The following EPS15L1 variants were observed in gnomAD, a reference collection of about 807,000 sequenced individuals.
The protein encoded by EPS15L1 is epidermal growth factor receptor substrate 15-like 1.
Under a neutral mutation model 117.1 loss-of-function variants are expected in EPS15L1, and 43 were observed. That is an observed-to-expected ratio of 0.37 (90% confidence interval 0.29 to 0.47). The LOEUF (loss-of-function observed/expected upper bound fraction) is 0.47. Among genes scored for constraint, EPS15L1 ranks in the 20% least tolerant of loss-of-function variants. EPS15L1 has a pLI of 0.99. For synonymous variants in EPS15L1, 459 were observed against 470.5 expected (o/e 0.98, Z 0.32); for missense variants, 981 against 1,164.0 (o/e 0.84, Z 2.29).
rs1599533043 is a variant in EPS15L1 at position 16,370,125 on chromosome 19, A to C, written c.2380+6997T>G. On this transcript the variant is annotated intron_variant, in intron 22 of 23. Coordinates refer to ENST00000455140, the MANE Select transcript of EPS15L1 (RefSeq NM_001258374.3). The surrounding 1 kb of genome is among the most constrained non-coding windows in gnomAD (Gnocchi z 5.2). Reference sequence around the variant, plus strand: ...GAAAGGACCCAAAAGAGCCCCTGGGAGGGGAGCAAGTGAGGCGCAGAGCCC... The same window carrying C: ...GAAAGGACCCAAAAGAGCCCCTGGGCGGGGAGCAAGTGAGGCGCAGAGCCC... Among the ~76,000 whole-genome samples, 1 of 152,274 alleles carries C rather than the reference A, an allele frequency of 6.6e-6. No homozygotes were observed. Among genetic ancestry groups the C allele is most frequent in the Admixed American group, 6.5e-5 (1 of 15,306 alleles).
chr19:16,359,357 T>A (rs1193929299), intron 23 of EPS15L1, among the ~76,000 whole-genome samples: 3 of 152,172 alleles, frequency 2.0e-5, no homozygotes, highest in Admixed American at 1.3e-4. Flanking sequence ...AGCCCCCGAA[T>A]GCCGTGAACA....
intron 22 of EPS15L1, 45 bp downstream of exon 22, chr19:16,377,077 C>G: frequency 2.6e-6 from 4 of 1,556,722 alleles, no homozygotes; most frequent in Non-Finnish European, 3.5e-6. Context: ...CCCCCGCCAT[C>G]CGGCACCGGT....
In EPS15L1 at chr19:16,385,201, T is replaced by A; in HGVS notation, c.2175A>T (p.Gly725=). The A allele has an allele frequency of 6.2e-7, 1 of 1,614,048 alleles. No homozygotes were observed. Among genetic ancestry groups the A allele is most frequent in the South Asian group, 1.1e-5 (1 of 91,076 alleles). ...SVSSKGSDPF[G]TLDPFGSGSF... ...ACCCACTTCCGAAGGGATCTAAGGT[T>A]CCAAAGGGATCTGCAATCGGCACCA... Residue 725 remains glycine (G), a synonymous_variant, in exon 21 of 24, where the codon GGA becomes GGT. Coordinates refer to ENST00000455140, the MANE Select transcript of EPS15L1 (RefSeq NM_001258374.3).
At chr19:16,461,134 T>G (rs1029319630) in intron 1 of EPS15L1, among the ~76,000 whole-genome samples, 7 of 149,984 alleles carry the variant, frequency 4.7e-5, no homozygotes, top group African/African-American at 1.7e-4. Flanking sequence ...TGAAACCCCG[T>G]CTCTACTAAA....
Position 16,404,713 on chromosome 19 carries a change from A to G in EPS15L1, c.1303T>C (p.Leu435=). Residue 435 remains leucine, a synonymous_variant, in exon 14 of 24, where the codon TTG becomes CTG. Transcript: ENST00000455140. This position sits in a 1 kb window ranked among gnomAD's most constrained non-coding sequence, Gnocchi z 4.2. ...TGTTTCTGAGCCTCGAGCTCCTGCAAACTGCTTGTTTCCCGGTCTAGGTCA... is the reference window on the plus strand; with the variant it reads ...TGTTTCTGAGCCTCGAGCTCCTGCAGACTGCTTGTTTCCCGGTCTAGGTCA... ...QNDLDRETSS[L]QELEAQKQDA... 1 of 1,614,182 alleles carries G rather than the reference A, an allele frequency of 6.2e-7. No homozygotes were observed.
At chr19:16,434,273 A>G (rs1010048239) in intron 7 of EPS15L1, 92 bp downstream of exon 7, 8 of 1,491,970 alleles carry the variant, frequency 5.4e-6, no homozygotes, top group Non-Finnish European at 7.2e-6. Context: ...ACAGAGCAAG[A>G]GCCTTGTAAG....
At chr19:16,361,561 T>C in intron 23 of EPS15L1, 2 of 1,306,634 alleles carry the variant, frequency 1.5e-6, no homozygotes, top group Non-Finnish European at 1.9e-6. Context: ...CGTGCCCTTA[T>C]GATAGAGCAT....
intron 18 of EPS15L1, 80 bp from the exon 19 acceptor site, chr19:16,392,520 T>G: frequency 7.5e-7 from 1 of 1,341,780 alleles, no homozygotes; most frequent in Non-Finnish European, 1.0e-6. Flanking sequence ...CACAGAATGA[T>G]GCCGTTTACA....
intron 1 of EPS15L1, among the ~76,000 whole-genome samples, chr19:16,451,474 G>A (rs1172413673): frequency 6.6e-6 from 1 of 151,636 alleles, no homozygotes; most frequent in Non-Finnish European, 1.5e-5. Context: ...AAGGAAAACG[G>A]TCTTAACTGT....
chr19:16,397,736 G>A (rs186864573), intron 16 of EPS15L1, among the ~76,000 whole-genome samples: 2 of 151,896 alleles, frequency 1.3e-5, no homozygotes, highest in Admixed American at 6.6e-5. Flanking sequence ...TCATTTAAAC[G>A]AGAAGAAAAA....
intron 7 of EPS15L1, among the ~76,000 whole-genome samples, chr19:16,432,111 G>T (rs750605355): frequency 6.6e-6 from 1 of 152,150 alleles, no homozygotes. Flanking sequence ...TGTACTTTTA[G>T]TTAACAGAAA....
chr19:16,401,659 A>G, intron 16 of EPS15L1: 1 of 985,452 alleles, frequency 1.0e-6, no homozygotes, highest in Non-Finnish European at 1.2e-6. Context: ...AAAAGGTCAC[A>G]CCTGTCTTGG....
chr19:16,374,022 G>C (rs750745232), intron 22 of EPS15L1, among the ~76,000 whole-genome samples: 1 of 152,212 alleles, frequency 6.6e-6, no homozygotes, highest in Non-Finnish European at 1.5e-5. Context: ...CAGTTGCTCC[G>C]GACTTAAAAT....
chr19:16,404,437 T>C lies in EPS15L1; in HGVS notation c.1428+151A>G, dbSNP rs748593570. 1.4e-5 allele frequency: 12 copies of C among 867,992 alleles called. No homozygotes were observed. Among genetic ancestry groups the C allele is most frequent in the Non-Finnish European group, 2.1e-5 (12 of 574,156 alleles). The allele number at this position is 867,992 out of a possible 1,614,324, so 53.8% of individuals were successfully genotyped here. ...GGCCAGGAAGTCAAGCCACAGGTGC[T>C]TGGACACTTTTCCACGTGGTGTTTG... On this transcript the variant is annotated intron_variant, in intron 14 of 23. Coordinates refer to ENST00000455140, the MANE Select transcript of EPS15L1 (RefSeq NM_001258374.3). The surrounding 1 kb of genome is among the most constrained non-coding windows in gnomAD (Gnocchi z 4.2).
intron 16 of EPS15L1, among the ~76,000 whole-genome samples, chr19:16,399,932 G>A (rs2092581211): frequency 6.6e-6 from 1 of 152,082 alleles, no homozygotes; most frequent in Non-Finnish European, 1.5e-5. Flanking sequence ...CCTCAGTAAG[G>A]CCTAAGTCTG....
At position 16,370,285 on chromosome 19, in the gene EPS15L1, G is replaced by C. The variant is rs1032886659; in HGVS notation, c.2380+6837C>G. On this transcript the variant is annotated intron_variant, in intron 22 of 23. Coordinates refer to ENST00000455140, the MANE Select transcript of EPS15L1 (RefSeq NM_001258374.3). This position sits in a 1 kb window ranked among gnomAD's most constrained non-coding sequence, Gnocchi z 5.2. ...CTGACTCAGGGCTTTGAATAGGAGA[G>C]ATGAAAGATGAGGGGCCATGTTCAC... Among the ~76,000 whole-genome samples, 1 of 152,152 alleles carries C rather than the reference G, an allele frequency of 6.6e-6. No individual in the cohort carries two copies. The highest frequency in any genetic ancestry group is 1.5e-5 in the Non-Finnish European group (1 of 68,012).
intron 13 of EPS15L1, chr19:16,412,891 C>T: frequency 4.9e-6 from 3 of 618,458 alleles, no homozygotes; most frequent in East Asian, 3.5e-5. Context: ...CATCACCAAG[C>T]TGGGCCGCCT....
At chr19:16,360,803 T>C (rs894863566) in intron 23 of EPS15L1, among the ~76,000 whole-genome samples, 5 of 152,130 alleles carry the variant, frequency 3.3e-5, no homozygotes, top group African/African-American at 9.7e-5. Flanking sequence ...GTAGAGATTA[T>C]CAAGACGGCT....
intron 21 of EPS15L1, among the ~76,000 whole-genome samples, chr19:16,378,340 G>A (rs1237179087): frequency 6.6e-6 from 1 of 151,950 alleles, no homozygotes; most frequent in African/African-American, 2.4e-5. Context: ...TGCCTCCTTA[G>A]TCCCCAGAAC....
Sources: gnomAD v4.1 joint callset for allele counts (sites outside exome capture counted in the v4.1 genomes callset) on GRCh38, gnomAD v4.1.1 for gene constraint, Gnocchi (gnomAD v3.1) non-coding constraint, MANE v1.5 for transcripts, NCBI Gene and HGNC (gene_info 2026-07-23, HGNC 2026-07-21) for gene names.